The following PHOX2A variants were observed in gnomAD, a reference collection of about 807,000 sequenced individuals.
PHOX2A encodes paired like homeobox 2A.
A neutral mutation model predicts 16.4 loss-of-function variants in PHOX2A; 10 were observed. The ratio of observed to expected loss-of-function variants is 0.61; its 90% CI spans 0.38 to 1.04. PHOX2A has a LOEUF of 1.04. Among genes scored for constraint, PHOX2A ranks in the 50% least tolerant of loss-of-function variants. The pLI, the probability that PHOX2A is intolerant of heterozygous loss-of-function variation, is 0.01. For missense variants in PHOX2A, 361 were observed against 419.4 expected (o/e 0.86, Z 1.22); for synonymous variants, 219 against 203.8 (o/e 1.07, Z -0.64).
intron 1 of PHOX2A, among the ~76,000 whole-genome samples, chr11:72,243,428 T>C (rs1385054214): frequency 2.0e-5 from 3 of 151,902 alleles, no homozygotes; most frequent in South Asian, 2.1e-4. Context: ...TAAGTGGTGA[T>C]AGGGCTGGGC....
chr11:72,242,821 TA>T (rs1165765688), intron 1 of PHOX2A, among the ~76,000 whole-genome samples: 1 of 110,052 alleles, frequency 9.1e-6, no homozygotes, highest in Non-Finnish European at 2.1e-5. Context: ...CATGCCCAGC[TA>T]ATTTTTTTTT....
chr11:72,239,822 G>C lies in PHOX2A; in HGVS notation c.782C>G (p.Pro261Arg). ...LKAWQPAESGPGPFSGVLSSF... is the reference protein window; with the variant it reads ...LKAWQPAESGRGPFSGVLSSF... ...GGACAGAACCCCGGAGAAGGGCCCG[G>C]GGCCGGACTCCGCCGGCTGCCAAGC... The change falls in exon 3 of 3, where the codon CCC (proline) becomes CGC (arginine). Residue 261 changes from proline (P) to arginine (R), a missense_variant. Coordinates refer to ENST00000298231, the MANE Select transcript of PHOX2A (RefSeq NM_005169.4). The C allele has an allele frequency of 7.3e-7, 1 of 1,371,208 alleles. No homozygotes were observed. The highest frequency in any genetic ancestry group is 2.9e-5 in the East Asian group (1 of 34,158). The allele number at this position is 1,371,208 out of a possible 1,614,324, so 84.9% of individuals were successfully genotyped here. A position where few individuals can be genotyped will look rare whatever the true frequency, so the allele number is the denominator to read the frequency against.
At position 72,244,016 on chromosome 11, in the gene PHOX2A, G is replaced by A. The variant is rs767414373; in HGVS notation, c.-12C>T. ...TAGGAGTAGTCCATCGGCCCGGGGGGCGGGGGCGGGGGCCGGGCCAGGCCG... is the reference window on the plus strand; with the variant it reads ...TAGGAGTAGTCCATCGGCCCGGGGGACGGGGGCGGGGGCCGGGCCAGGCCG... On this transcript the variant is annotated 5_prime_UTR_variant, in exon 1 of 3. Coordinates refer to ENST00000298231, the MANE Select transcript of PHOX2A (RefSeq NM_005169.4). The A allele has an allele frequency of 3.2e-6, 4 of 1,233,338 alleles. No homozygotes were observed. The highest frequency in any genetic ancestry group is 4.1e-6 in the Non-Finnish European group (4 of 970,666). The allele number at this position is 1,233,338 out of a possible 1,614,324, so 76.4% of individuals were successfully genotyped here.
intron 1 of PHOX2A, among the ~76,000 whole-genome samples, chr11:72,242,491 C>T (rs1236650557): frequency 6.6e-6 from 1 of 152,124 alleles, no homozygotes; most frequent in African/African-American, 2.4e-5. Flanking sequence ...TCTCTGGTCT[C>T]AAAACCCTGT....
intron 1 of PHOX2A, among the ~76,000 whole-genome samples, chr11:72,243,500 T>A (rs1223288217): frequency 6.6e-6 from 1 of 151,730 alleles, no homozygotes; most frequent in Non-Finnish European, 1.5e-5. Context: ...TTGCAGGTGG[T>A]GAGGGGAAGG....
At position 72,241,307 on chromosome 11, in the gene PHOX2A, G is replaced by A; in HGVS notation, c.218-18C>T. 1 of 1,230,802 alleles carries A rather than the reference G, an allele frequency of 8.1e-7. No homozygotes were observed. The allele number at this position is 1,230,802 out of a possible 1,614,324, so 76.2% of individuals were successfully genotyped here. ...GTAGGGCACTGCGGGTGTGTGCAGG[G>A]GGGCCGGGGGGGGGGCAAAAAGGAT... On this transcript the variant is annotated intron_variant, in intron 1 of 2. Transcript: ENST00000298231.
chr11:72,244,083 GAGCGCC>G lies in PHOX2A; in HGVS notation c.-85_-80del, dbSNP rs1248783253. On this transcript the variant is annotated 5_prime_UTR_variant, in exon 1 of 3. Coordinates refer to ENST00000298231, the MANE Select transcript of PHOX2A (RefSeq NM_005169.4). ...CGGGTGGAGGTCGGAAGGGAGGTTC[GAGCGCC>G]AGGCTCCGAGGACCCGAGGCCAGCT... 7 of 675,100 alleles carry G rather than the reference GAGCGCC, an allele frequency of 1.0e-5. No homozygotes were observed. In the Admixed American group the frequency reaches 3.1e-4, roughly 29 times the overall value. The allele number at this position is 675,100 out of a possible 1,614,324, so 41.8% of individuals were successfully genotyped here.
In PHOX2A at chr11:72,240,116, GCGC is replaced by G. The variant is rs1949103338; in HGVS notation, c.485_487del (p.Gly162del). 2 of 1,523,144 alleles carry G rather than the reference GCGC, an allele frequency of 1.3e-6. No individual in the cohort carries two copies. Among genetic ancestry groups the G allele is most frequent in the Non-Finnish European group, 1.7e-6 (2 of 1,143,062 alleles). 94.4% of individuals were successfully genotyped at this position (1,523,144 alleles called of 1,614,324 possible). A position where few individuals can be genotyped will look rare whatever the true frequency, so the allele number is the denominator to read the frequency against. ...GGAGCAGCGCGCCTCGCCCTTTTTG[GCGC>G]CCGCCGCGCCCGCCGCGCCCTTGGC... On this transcript the variant is annotated inframe_deletion, in exon 3 of 3. Transcript: ENST00000298231.
Position 72,239,995 on chromosome 11 carries a change from C to T in PHOX2A, c.609G>A (p.Pro203=). The change falls in exon 3 of 3, where the codon CCG becomes CCA. Residue 203 remains proline, a synonymous_variant. Transcript: ENST00000298231. ...CGGGCAGCGGGCTGGGGCTCAGGCG[C>T]GGGCTGGCCAGGCCGGGCGCAGGCG... is the stretch of plus-strand genomic sequence containing the variant. ...PPPPAPGLAS[P]RLSPSPLPVA... 6 of 1,377,104 alleles carry T rather than the reference C, an allele frequency of 4.4e-6. No homozygotes were observed. In the South Asian group the frequency reaches 5.3e-5, roughly 12 times the overall value. 85.3% of individuals were successfully genotyped at this position (1,377,104 alleles called of 1,614,324 possible).
In PHOX2A at chr11:72,239,344, A is replaced by G. The variant is rs1949089693; in HGVS notation, c.*405T>C. The G allele has an allele frequency of 6.2e-6, 1 of 160,406 alleles. No homozygotes were observed. Among genetic ancestry groups the G allele is most frequent in the Non-Finnish European group, 1.4e-5 (1 of 73,698 alleles). The allele number at this position is 160,406 out of a possible 1,614,324, so 9.9% of individuals were successfully genotyped here. A position where few individuals can be genotyped will look rare whatever the true frequency, so the allele number is the denominator to read the frequency against. ...TACGGGTGGGCCCGAGGGGTGGGGC[A>G]GCGGGCTTTCCTGATCACCAGCGTA... On this transcript the variant is annotated 3_prime_UTR_variant, in exon 3 of 3. Coordinates refer to ENST00000298231, the MANE Select transcript of PHOX2A (RefSeq NM_005169.4).
chr11:72,240,243 G>A, intron 2 of PHOX2A, 45 bp from the exon 3 acceptor site: 2 of 1,527,084 alleles, frequency 1.3e-6, no homozygotes, highest in Non-Finnish European at 8.7e-7. Flanking sequence ...GTCGGAGAAC[G>A]CACGGGGTCA....
chr11:72,244,045 CG>C lies in PHOX2A; in HGVS notation c.-42del, dbSNP rs1949143626. On this transcript the variant is annotated 5_prime_UTR_variant, in exon 1 of 3. Transcript: ENST00000298231. ...GGGCGGGGGCCGGGCCAGGCCGGGT[CG>C]GGGTCGGGGTCCGGGTGGAGGTCGG... 4 of 507,932 alleles carry C rather than the reference CG, an allele frequency of 7.9e-6. No homozygotes were observed. The East Asian group carries it at 2.6e-4, about 33-fold the overall frequency. 31.5% of individuals were successfully genotyped at this position (507,932 alleles called of 1,614,324 possible).
At position 72,240,065 on chromosome 11, in the gene PHOX2A, G is replaced by C. The variant is rs1262176473; in HGVS notation, c.539C>G (p.Ser180Cys). The part of the protein sequence containing the change: ...CSSEDDDSKE[S>C]TCSPTPDSTA... The stretch of plus-strand genomic sequence containing the variant: ...GCTATCGGGCGTGGGGCTGCACGTG[G>C]ACTCCTTGGAATCGTCGTCCTCGGA... Residue 180 changes from serine (S) to cysteine (C), a missense_variant, in exon 3 of 3, where the codon TCC becomes TGC. Physicochemically the swap from Ser to Cys is moderately radical, Grantham distance 112. Coordinates refer to ENST00000298231, the MANE Select transcript of PHOX2A (RefSeq NM_005169.4). 6.5e-7 allele frequency: 1 copy of C among 1,527,996 alleles called. No individual in the cohort carries two copies. Among genetic ancestry groups the C allele is most frequent in the Non-Finnish European group, 8.8e-7 (1 of 1,142,482 alleles). 94.7% of individuals were successfully genotyped at this position (1,527,996 alleles called of 1,614,324 possible). A position where few individuals can be genotyped will look rare whatever the true frequency, so the allele number is the denominator to read the frequency against.
rs1175201206 is a variant in PHOX2A at position 72,239,777 on chromosome 11, C to T, written c.827G>A (p.Gly276Asp). ...GAAGAGATTGGTCTTCAGGGCGGGG[C>T]CGGGCTTCCGGTGAAAGGAGGACAG... ...GVLSSFHRKPGPALKTNLF is the reference protein window; with the variant it reads ...GVLSSFHRKPDPALKTNLF Residue 276 changes from glycine (G) to aspartate (D), a missense_variant, in exon 3 of 3, where the codon GGC becomes GAC. Around this residue, in one of 3 missense-constraint regions of PHOX2A, gnomAD observed 71 missense variants for 54.1 expected, o/e 1.31. Transcript: ENST00000298231. 2.3e-6 allele frequency: 3 copies of T among 1,328,636 alleles called. No homozygotes were observed. Among genetic ancestry groups the T allele is most frequent in the Admixed American group, 3.1e-5 (1 of 32,250 alleles). 82.3% of individuals were successfully genotyped at this position (1,328,636 alleles called of 1,614,324 possible). A position where few individuals can be genotyped will look rare whatever the true frequency, so the allele number is the denominator to read the frequency against.
rs1242525580 is a variant in PHOX2A, at chr11:72,240,146, C to G, written c.458G>C (p.Ser153Thr). 8 of 1,534,772 alleles carry G rather than the reference C, an allele frequency of 5.2e-6. No homozygotes were observed. Among genetic ancestry groups the G allele is most frequent in the Non-Finnish European group, 7.0e-6 (8 of 1,145,330 alleles). Reference protein sequence around the residue: ...AKFRKQERAASAKGAAGAAGA... With the variant: ...AKFRKQERAATAKGAAGAAGA... Reference sequence around the variant, plus strand: ...CGCCGCGCCCGCCGCGCCCTTGGCGCTGGCCGCGCGCTCCTGTTTGCGGAA... The same window carrying G: ...CGCCGCGCCCGCCGCGCCCTTGGCGGTGGCCGCGCGCTCCTGTTTGCGGAA... The change falls in exon 3 of 3, where the codon AGC becomes ACC. Residue 153 changes from serine to threonine, a missense_variant. Transcript: ENST00000298231.
intron 1 of PHOX2A, 33 bp downstream of exon 1, chr11:72,243,755 T>G: frequency 8.5e-7 from 1 of 1,175,712 alleles, no homozygotes; most frequent in Non-Finnish European, 1.1e-6. Flanking sequence ...TCTGCAGGAA[T>G]TGGAGGGAGG....
At position 72,240,256 on chromosome 11, in the gene PHOX2A, C is replaced by T; in HGVS notation, c.406-58G>A. ...GGGTCGGAGAACGCACGGGGTCAGCCCGCGGCCGCAAGGCTCGAGTGAGAT... is the reference window on the plus strand; with the variant it reads ...GGGTCGGAGAACGCACGGGGTCAGCTCGCGGCCGCAAGGCTCGAGTGAGAT... On this transcript the variant is annotated intron_variant, in intron 2 of 2. Transcript: ENST00000298231. 3 of 1,522,020 alleles carry T rather than the reference C, an allele frequency of 2.0e-6. No homozygotes were observed. The South Asian group carries it at 3.6e-5, about 18-fold the overall frequency. The allele number at this position is 1,522,020 out of a possible 1,614,324, so 94.3% of individuals were successfully genotyped here. A position where few individuals can be genotyped will look rare whatever the true frequency, so the allele number is the denominator to read the frequency against.
intron 2 of PHOX2A, among the ~76,000 whole-genome samples, chr11:72,240,835 C>T (rs893361482): frequency 6.6e-5 from 10 of 152,162 alleles, no homozygotes; most frequent in African/African-American, 2.4e-4. Context: ...AGCCCCTCGG[C>T]CTCCCTCCTG....
intron 1 of PHOX2A, among the ~76,000 whole-genome samples, chr11:72,243,586 A>C (rs1206794472): frequency 6.6e-6 from 1 of 152,186 alleles, no homozygotes; most frequent in African/African-American, 2.4e-5. Flanking sequence ...TTTGGCAACG[A>C]GAAAAAGGAA....
Sources: allele counts gnomAD v4.1 joint callset (sites outside exome capture counted in the v4.1 genomes callset), GRCh38; gene constraint gnomAD v4.1.1; regional missense constraint gnomAD v4.1.1; transcripts MANE v1.5; gene names NCBI Gene and HGNC (gene_info 2026-07-23, HGNC 2026-07-21).